The following CSMD1 variants were observed in gnomAD, a reference collection of about 807,000 sequenced individuals.
CSMD1 encodes CUB and Sushi multiple domains 1.
Under a neutral mutation model 417.5 loss-of-function variants are expected in CSMD1, and 213 were observed. The ratio of observed to expected loss-of-function variants is 0.51; its 90% CI spans 0.46 to 0.57. The LOEUF is 0.57. Among genes scored for constraint, CSMD1 ranks in the 20% least tolerant of loss-of-function variants. CSMD1 has a pLI of 0.00. For missense variants in CSMD1, 6,923 were observed against 4,529.7 expected (o/e 1.53, Z -15.17); for synonymous variants, 2,862 against 1,736.8 (o/e 1.65, Z -16.11).
chr8:4,192,704 C>A (rs181839608), intron 3 of CSMD1, among the ~76,000 whole-genome samples: 1 of 152,340 alleles, frequency 6.6e-6, no homozygotes, highest in African/African-American at 2.4e-5. Context: ...TGCTCACCAA[C>A]ATGTCGGGTA....
chr8:3,528,299 T>A (rs1197704494), intron 10 of CSMD1, among the ~76,000 whole-genome samples: 2 of 152,228 alleles, frequency 1.3e-5, no homozygotes, highest in African/African-American at 4.8e-5. Flanking sequence ...GGTGTTTTGC[T>A]AATAGCTCAG....
chr8:3,355,964 T>C (rs1808755356), intron 21 of CSMD1, among the ~76,000 whole-genome samples: 1 of 152,164 alleles, frequency 6.6e-6, no homozygotes, highest in African/African-American at 2.4e-5. Context: ...AAATGCATCA[T>C]CAGGTTGAAA....
intron 3 of CSMD1, among the ~76,000 whole-genome samples, chr8:4,163,086 G>A (rs1428092084): frequency 6.6e-6 from 1 of 152,156 alleles, no homozygotes. Flanking sequence ...TTTTAGCAAT[G>A]AATAATATTC....
At chr8:4,424,844 C>T (rs141125199) in intron 2 of CSMD1, among the ~76,000 whole-genome samples, 312 of 152,126 alleles carry the variant, frequency 2.1e-3, no homozygotes, top group African/African-American at 7.1e-3. Context: ...AACTGGTATA[C>T]AGTACACAGA....
chr8:3,262,731 G>C (rs974076684), intron 26 of CSMD1, among the ~76,000 whole-genome samples: 1 of 152,090 alleles, frequency 6.6e-6, no homozygotes. Flanking sequence ...ATGTCTCATA[G>C]TGGAAAATGT....
chr8:3,616,652 G>C lies in CSMD1; in HGVS notation c.1097+58C>G, dbSNP rs577838678. ...AAAGAGTTAAATTTAACTGCAAGCT[G>C]AAATAATATATGTCTTAAAAATAAC... On this transcript the variant is annotated intron_variant, in intron 8 of 69. Transcript: ENST00000635120. The C allele has an allele frequency of 2.0e-5, 23 of 1,128,868 alleles. No homozygotes were observed. The African/African-American group carries it at 3.1e-4, about 15-fold the overall frequency. The allele number at this position is 1,128,868 out of a possible 1,614,324, so 69.9% of individuals were successfully genotyped here. A position where few individuals can be genotyped will look rare whatever the true frequency, so the allele number is the denominator to read the frequency against.
chr8:3,038,704 C>T (rs1208733493), intron 50 of CSMD1, among the ~76,000 whole-genome samples: 2 of 151,456 alleles, frequency 1.3e-5, no homozygotes, highest in East Asian at 1.9e-4. Context: ...AAAAAAAATT[C>T]GCTTAAGTAT....
chr8:4,406,479 T>C (rs576759153), intron 3 of CSMD1, among the ~76,000 whole-genome samples: 110 of 152,308 alleles, frequency 7.2e-4, no homozygotes, highest in African/African-American at 2.2e-3. Context: ...CCTCTGGGCA[T>C]TAATTAGATG....
At chr8:4,168,948 C>G (rs1453698246) in intron 3 of CSMD1, among the ~76,000 whole-genome samples, 1 of 152,126 alleles carries the variant, frequency 6.6e-6, no homozygotes, top group Non-Finnish European at 1.5e-5. Flanking sequence ...TTTGAGGTAC[C>G]TGATCATCTC....
rs187480718 is a variant in CSMD1, at chr8:3,860,652, C to T, written c.819-106610G>A. Among the ~76,000 whole-genome samples, 227 of 152,076 alleles carry T rather than the reference C, an allele frequency of 1.5e-3. 1 individual carries two copies. Among genetic ancestry groups the T allele is most frequent in the African/African-American group, 5.1e-3 (212 of 41,470 alleles). ...CAGTCCATTAATTTTCACCATAATCCGGTTAATTATTATTTTTCTTATTCT... is the reference window on the plus strand; with the variant it reads ...CAGTCCATTAATTTTCACCATAATCTGGTTAATTATTATTTTTCTTATTCT... On this transcript the variant is annotated intron_variant, in intron 5 of 69. Transcript: ENST00000635120.
intron 11 of CSMD1, among the ~76,000 whole-genome samples, chr8:3,474,233 G>C (rs1014953204): frequency 6.6e-6 from 1 of 152,054 alleles, no homozygotes; most frequent in African/African-American, 2.4e-5. Context: ...GGTTGGAAAA[G>C]GAATGAATGA....
At chr8:4,044,254 T>G (rs902970955) in intron 3 of CSMD1, among the ~76,000 whole-genome samples, 3 of 152,242 alleles carry the variant, frequency 2.0e-5, no homozygotes, top group Admixed American at 6.5e-5. Context: ...ACTTCCTTAT[T>G]GCAAATTAAA....
chr8:4,435,515 A>T (rs980252974), intron 2 of CSMD1, among the ~76,000 whole-genome samples: 3 of 152,206 alleles, frequency 2.0e-5, no homozygotes, highest in Admixed American at 6.5e-5. Flanking sequence ...GGAAAACTGA[A>T]ACCTTAACTG....
intron 39 of CSMD1, among the ~76,000 whole-genome samples, chr8:3,157,592 C>T (rs966056266): frequency 1.8e-4 from 28 of 152,230 alleles, no homozygotes; most frequent in African/African-American, 6.5e-4. Flanking sequence ...TCCTTCTTTG[C>T]CACAAATTAA....
intron 17 of CSMD1, among the ~76,000 whole-genome samples, chr8:3,393,105 A>C (rs1811444266): frequency 6.6e-6 from 1 of 152,144 alleles, no homozygotes; most frequent in Non-Finnish European, 1.5e-5. Flanking sequence ...TCCCAAGTCA[A>C]GGTTCAGTAT....
intron 10 of CSMD1, among the ~76,000 whole-genome samples, chr8:3,508,695 T>C (rs1190418904): frequency 1.3e-5 from 2 of 152,208 alleles, no homozygotes; most frequent in African/African-American, 4.8e-5. Context: ...GAAAATTTTC[T>C]GCGAGTTTTA....
intron 3 of CSMD1, among the ~76,000 whole-genome samples, chr8:4,317,569 A>C (rs1197999695): frequency 6.6e-6 from 1 of 152,144 alleles, no homozygotes; most frequent in Non-Finnish European, 1.5e-5. Flanking sequence ...TGTCCAAGTT[A>C]AGTGTCAGTA....
At chr8:3,904,261 T>C (rs1246746903) in intron 5 of CSMD1, among the ~76,000 whole-genome samples, 1 of 152,198 alleles carries the variant, frequency 6.6e-6, no homozygotes, top group African/African-American at 2.4e-5. Context: ...GCACCTTCCC[T>C]TACCAAACAA....
At chr8:3,764,477 C>A (rs1179390453) in intron 5 of CSMD1, among the ~76,000 whole-genome samples, 1 of 152,122 alleles carries the variant, frequency 6.6e-6, no homozygotes, top group African/African-American at 2.4e-5. Flanking sequence ...GTAGAGGCAC[C>A]CACAATCTTT....
Sources: allele counts gnomAD v4.1 joint callset (sites outside exome capture counted in the v4.1 genomes callset), GRCh38; gene constraint gnomAD v4.1.1; transcripts MANE v1.5; gene names NCBI Gene and HGNC (gene_info 2026-07-23, HGNC 2026-07-21).